Variants in CAST observed in about 807,000 individuals in gnomAD.
The protein encoded by CAST is MIR583 host.
Under a neutral mutation model 119.6 loss-of-function variants are expected in CAST, and 76 were observed. The ratio of observed to expected loss-of-function variants is 0.64; its 90% CI spans 0.53 to 0.77. The LOEUF (loss-of-function observed/expected upper bound fraction) is 0.77, where lower values mean the gene tolerates loss of function less well. CAST is among the 30% of genes least tolerant of loss of function. The pLI is 0.00. For synonymous variants in CAST, 319 were observed against 331.6 expected (o/e 0.96, Z 0.41); for missense variants, 953 against 946.5 (o/e 1.01, Z -0.09).
At chr5:96,238,366 C>CTTCTTCTTCTTCTTCTTCATCTT in the CAST span, among the ~76,000 whole-genome samples, 9 of 23,246 alleles carry the variant, frequency 3.9e-4, no homozygotes, top group African/African-American at 9.6e-4. Context: ...TTCTTCTTCT[C>CTTCTTCTTCTTCTTCTTCATCTT]CTTCTTCTCC....
intron 1 of CAST, among the ~76,000 whole-genome samples, chr5:96,603,652 AGTACACT>A (rs1187877478): frequency 1.3e-5 from 2 of 152,126 alleles, no homozygotes; most frequent in Non-Finnish European, 2.9e-5. Context: ...AACTAGAAAG[AGTACACT>A]GTAAAATAAC....
chr5:96,574,029 T>TGGA (rs1561420499), intron 1 of CAST, among the ~76,000 whole-genome samples: 1 of 2,352 alleles, frequency 4.3e-4, no homozygotes, highest in Non-Finnish European at 5.5e-4. Flanking sequence ...CCACTTTCTT[T>TGGA]TTTTTTTTTT....
At chr5:96,567,226 T>C (rs192938134) in intron 1 of CAST, among the ~76,000 whole-genome samples, 2 of 152,326 alleles carry the variant, frequency 1.3e-5, no homozygotes, top group African/African-American at 4.8e-5. Flanking sequence ...AAGATCTTAA[T>C]TTACTGCTTT....
chr5:96,442,189 G>A, the CAST span, among the ~76,000 whole-genome samples: 5 of 152,152 alleles, frequency 3.3e-5, no homozygotes, highest in Admixed American at 1.3e-4. Context: ...TTTTAAGCAG[G>A]TAAGTATTTG....
the CAST span, among the ~76,000 whole-genome samples, chr5:96,008,274 C>T: frequency 6.6e-6 from 1 of 152,156 alleles, no homozygotes; most frequent in Non-Finnish European, 1.5e-5. Context: ...AGGTGAAATT[C>T]TCCTACTTCC....
In CAST at chr5:96,742,841, A is replaced by G. The variant is rs1335433996; in HGVS notation, c.1200+85A>G. The G allele has an allele frequency of 9.5e-6, 9 of 947,072 alleles. No homozygotes were observed. The South Asian group carries it at 1.3e-4, about 13-fold the overall frequency. The allele number at this position is 947,072 out of a possible 1,614,324, so 58.7% of individuals were successfully genotyped here. A position where few individuals can be genotyped will look rare whatever the true frequency, so the allele number is the denominator to read the frequency against. ...CACTCTGCATGTTTAGAATTCTCGC[A>G]CAACTTTTATTGGAGAGTAAAAGTG... is the stretch of plus-strand genomic sequence containing the variant. On this transcript the variant is annotated intron_variant, in intron 16 of 31. Coordinates refer to ENST00000675179, the MANE Select transcript of CAST (RefSeq NM_001750.7).
At chr5:96,024,210 T>C in the CAST span, among the ~76,000 whole-genome samples, 2 of 152,222 alleles carry the variant, frequency 1.3e-5, no homozygotes, top group Non-Finnish European at 2.9e-5. Context: ...AGAAAGAATT[T>C]ACTCGTATTG....
At chr5:96,546,840 C>A (rs1329678311) in intron 1 of CAST, among the ~76,000 whole-genome samples, 1 of 152,146 alleles carries the variant, frequency 6.6e-6, no homozygotes, top group African/African-American at 2.4e-5. Flanking sequence ...TGTTGTGCAT[C>A]ATATTCAATT....
At chr5:96,349,581 T>A in the CAST span, among the ~76,000 whole-genome samples, 7 of 152,180 alleles carry the variant, frequency 4.6e-5, no homozygotes, top group Non-Finnish European at 1.0e-4. Flanking sequence ...ATAGATAAAT[T>A]TGTATCTTTC....
At chr5:96,649,209 A>G (rs1748060803) in intron 1 of CAST, among the ~76,000 whole-genome samples, 1 of 152,194 alleles carries the variant, frequency 6.6e-6, no homozygotes, top group Admixed American at 6.5e-5. Context: ...TTGTTTTTAA[A>G]AAGTTTTTTC....
the CAST span, among the ~76,000 whole-genome samples, chr5:96,123,743 A>G: frequency 1.3e-5 from 2 of 152,168 alleles, no homozygotes; most frequent in Non-Finnish European, 2.9e-5. Context: ...TCTCAATTAT[A>G]CTAATGCACC....
the CAST span, among the ~76,000 whole-genome samples, chr5:96,353,800 A>G: frequency 6.6e-6 from 1 of 151,452 alleles, no homozygotes; most frequent in African/African-American, 2.5e-5. Context: ...TCAGCTTGCA[A>G]ACAGCATGTG....
the CAST span, among the ~76,000 whole-genome samples, chr5:96,116,741 T>C: frequency 2.4e-4 from 37 of 152,336 alleles, 2 homozygotes; most frequent in African/African-American, 8.7e-4. Flanking sequence ...TTGCATGCCA[T>C]TGTGCAAATC....
At chr5:96,556,229 C>T (rs1388313544) in intron 1 of CAST, among the ~76,000 whole-genome samples, 1 of 152,086 alleles carries the variant, frequency 6.6e-6, no homozygotes, top group African/African-American at 2.4e-5. Flanking sequence ...TCATCAAAGA[C>T]CAAAGGTAGA....
chr5:96,275,798 G>C, the CAST span, among the ~76,000 whole-genome samples: 4 of 152,264 alleles, frequency 2.6e-5, no homozygotes, highest in East Asian at 7.7e-4. Context: ...CACATTACAG[G>C]CTCATTTGCT....
the CAST span, among the ~76,000 whole-genome samples, chr5:96,165,433 T>C: frequency 6.6e-6 from 1 of 152,192 alleles, no homozygotes; most frequent in East Asian, 1.9e-4. Flanking sequence ...TTTGTGCTTT[T>C]AGAAAGTACT....
the CAST span, among the ~76,000 whole-genome samples, chr5:96,511,882 TTCACATCCAACC>T: frequency 6.6e-6 from 1 of 152,238 alleles, no homozygotes; most frequent in South Asian, 2.1e-4. Context: ...AACGAAGTCC[TTCACATCCAACC>T]TCTTGCTCTT....
chr5:96,575,778 G>T (rs1336233200), intron 1 of CAST, among the ~76,000 whole-genome samples: 1 of 151,784 alleles, frequency 6.6e-6, no homozygotes, highest in Non-Finnish European at 1.5e-5. Flanking sequence ...GAGTACTTGG[G>T]GCTACAGGCA....
chr5:96,031,717 TTTTTG>T, the CAST span, among the ~76,000 whole-genome samples: 3 of 152,178 alleles, frequency 2.0e-5, no homozygotes, highest in South Asian at 6.2e-4. Flanking sequence ...ATGTCTACTG[TTTTTG>T]TTTTGTTTTT....
Sources: allele counts gnomAD v4.1 joint callset (sites outside exome capture counted in the v4.1 genomes callset), GRCh38; gene constraint gnomAD v4.1.1; transcripts MANE v1.5; gene names NCBI Gene and HGNC (gene_info 2026-07-23, HGNC 2026-07-21).